CHL1: variants seen among roughly 807,000 people sequenced by gnomAD.
The protein encoded by CHL1 is cell adhesion molecule L1 like, also known as neural cell adhesion molecule L1-like protein.
In CHL1, 96 loss-of-function variants were observed where a neutral mutation model predicts 141.9. The ratio of observed to expected loss-of-function variants is 0.68; its 90% CI spans 0.57 to 0.80. The LOEUF (loss-of-function observed/expected upper bound fraction) is 0.80. Ranked by LOEUF, CHL1 falls within the 30% of genes least tolerant of loss-of-function variation. The pLI, the probability that CHL1 is intolerant of heterozygous loss-of-function variation, is 0.00. For synonymous variants in CHL1, 613 were observed against 502.2 expected, an observed-to-expected ratio of 1.22 and a Z score of -2.95; for missense variants, 1,820 against 1,457.2, an observed-to-expected ratio of 1.25 and a Z score of -4.05.
chr3:325,670 T>G (rs1700946846), intron 3 of CHL1, among the ~76,000 whole-genome samples: 1 of 152,038 alleles, frequency 6.6e-6, no homozygotes, highest in Non-Finnish European at 1.5e-5. Context: ...ATAATATATA[T>G]TTTTAAATTG....
At chr3:245,321 A>G (rs1325495376) in intron 2 of CHL1, among the ~76,000 whole-genome samples, 1 of 152,158 alleles carries the variant, frequency 6.6e-6, no homozygotes, top group Non-Finnish European at 1.5e-5. Context: ...AGTTCTAGGT[A>G]AGCTGTTTAG....
At chr3:307,138 TA>T (rs1699309132) in intron 2 of CHL1, among the ~76,000 whole-genome samples, 1 of 152,188 alleles carries the variant, frequency 6.6e-6, no homozygotes, top group Non-Finnish European at 1.5e-5. Flanking sequence ...TTTTTATAGG[TA>T]TCAATATTTT....
At chr3:242,551 G>A (rs773995543) in intron 1 of CHL1, among the ~76,000 whole-genome samples, 7 of 151,974 alleles carry the variant, frequency 4.6e-5, no homozygotes, top group African/African-American at 1.2e-4. Flanking sequence ...AGCCGAGATT[G>A]TGCCACTGCA....
At chr3:370,823 T>A (rs565984111) in intron 15 of CHL1, among the ~76,000 whole-genome samples, 1 of 152,250 alleles carries the variant, frequency 6.6e-6, no homozygotes, top group African/African-American at 2.4e-5. Context: ...TCTCATTGGT[T>A]TCAAACTTCT....
At chr3:356,547 C>G (rs926565625) in intron 11 of CHL1, among the ~76,000 whole-genome samples, 2 of 152,134 alleles carry the variant, frequency 1.3e-5, no homozygotes. Flanking sequence ...TGTGATAAAG[C>G]AGAAAATAGC....
intron 15 of CHL1, among the ~76,000 whole-genome samples, chr3:372,077 A>G (rs1705709552): frequency 6.6e-6 from 1 of 151,930 alleles, no homozygotes; most frequent in African/African-American, 2.4e-5. Flanking sequence ...TCTGATGATT[A>G]TGTGTCTTAG....
intron 2 of CHL1, among the ~76,000 whole-genome samples, chr3:267,670 GTA>G (rs1437098155): frequency 6.6e-6 from 1 of 152,156 alleles, no homozygotes; most frequent in African/African-American, 2.4e-5. Flanking sequence ...AACCGTGTGT[GTA>G]TTTCAAACGT....
At chr3:378,601 C>T (rs537884272) in intron 16 of CHL1, among the ~76,000 whole-genome samples, 2 of 152,272 alleles carry the variant, frequency 1.3e-5, no homozygotes, top group Admixed American at 6.5e-5. Flanking sequence ...GCTCTTTGAC[C>T]TAGAAAGGTT....
intron 5 of CHL1, among the ~76,000 whole-genome samples, chr3:328,701 T>TAGA (rs1267243526): frequency 6.6e-6 from 1 of 152,170 alleles, no homozygotes; most frequent in African/African-American, 2.4e-5. Flanking sequence ...CATAAAGTTA[T>TAGA]TCCCCGATAA....
At chr3:202,172 C>G (rs566182119) in intron 1 of CHL1, among the ~76,000 whole-genome samples, 45 of 152,278 alleles carry the variant, frequency 3.0e-4, no homozygotes, top group African/African-American at 9.6e-4. Flanking sequence ...CCATACTTAG[C>G]TCACATGTCA....
chr3:366,206 C>T, intron 15 of CHL1, 91 bp downstream of exon 15: 1 of 1,260,500 alleles, frequency 7.9e-7, no homozygotes, highest in Non-Finnish European at 1.1e-6. Context: ...CATGCTGACT[C>T]ACGCTTGTAA....
intron 1 of CHL1, among the ~76,000 whole-genome samples, chr3:230,843 A>G (rs893496874): frequency 6.6e-6 from 1 of 152,124 alleles, no homozygotes; most frequent in African/African-American, 2.4e-5. Context: ...CTCTTTTTTC[A>G]GTTCCACTTT....
chr3:201,948 C>T (rs1698984479), intron 1 of CHL1, among the ~76,000 whole-genome samples: 1 of 152,132 alleles, frequency 6.6e-6, no homozygotes, highest in Admixed American at 6.6e-5. Context: ...CTGTAAACTC[C>T]TTGAGGGTAT....
intron 9 of CHL1, among the ~76,000 whole-genome samples, chr3:346,660 T>C (rs1166246883): frequency 1.3e-5 from 2 of 152,190 alleles, no homozygotes; most frequent in Admixed American, 6.5e-5. Flanking sequence ...CTTGATGCGC[T>C]GTCCTAAGAC....
chr3:265,942 C>G (rs1261457180), intron 2 of CHL1, among the ~76,000 whole-genome samples: 1 of 152,244 alleles, frequency 6.6e-6, no homozygotes, highest in East Asian at 1.9e-4. Flanking sequence ...ATCCCATGCA[C>G]AGAGAAAGAA....
chr3:396,811 A>C (rs2106408095), intron 24 of CHL1, among the ~76,000 whole-genome samples: 1 of 152,244 alleles, frequency 6.6e-6, no homozygotes, highest in South Asian at 2.1e-4. Context: ...ACAGGGAAAA[A>C]AATTACAATC....
intron 2 of CHL1, among the ~76,000 whole-genome samples, chr3:251,287 AC>A (rs1433145688): frequency 2.0e-4 from 31 of 152,230 alleles, no homozygotes; most frequent in Admixed American, 2.0e-3. Flanking sequence ...CAGGCAGAGG[AC>A]AGACAGTGCT....
chr3:372,226 A>G (rs932175111), intron 15 of CHL1, among the ~76,000 whole-genome samples: 2 of 152,102 alleles, frequency 1.3e-5, no homozygotes, highest in Non-Finnish European at 2.9e-5. Context: ...CATTCTACCC[A>G]TCTCCTTCAG....
At chr3:254,942 T>C (rs1400178838) in intron 2 of CHL1, among the ~76,000 whole-genome samples, 4 of 152,162 alleles carry the variant, frequency 2.6e-5, no homozygotes, top group Non-Finnish European at 5.9e-5. Flanking sequence ...ATTCAAACCC[T>C]ACCATCATGC....
Sources: gnomAD v4.1 joint callset for allele counts (sites outside exome capture counted in the v4.1 genomes callset) on GRCh38, gnomAD v4.1.1 for gene constraint, MANE v1.5 for transcripts, NCBI Gene and HGNC (gene_info 2026-07-23, HGNC 2026-07-21) for gene names.